GAS6: variants seen among roughly 807,000 people sequenced by gnomAD.
GAS6 encodes the protein growth arrest specific 6, also known as growth arrest-specific protein 6.
In GAS6, 41 loss-of-function variants were observed where a neutral mutation model predicts 75.8. That is an observed-to-expected ratio of 0.54 (90% CI 0.42 to 0.70). The LOEUF (loss-of-function observed/expected upper bound fraction) is 0.70. GAS6 is among the 30% of genes least tolerant of loss of function. GAS6 has a pLI of 0.00. For synonymous variants in GAS6, 432 were observed against 412.6 expected, an observed-to-expected ratio of 1.05 and a Z score of -0.57; for missense variants, 854 against 940.2, an observed-to-expected ratio of 0.91 and a Z score of 1.20.
At position 113,846,579 on chromosome 13, in the gene GAS6, G is replaced by C; in HGVS notation, c.291C>G (p.Asn97Lys). Residue 97 changes from asparagine (N) to lysine (K), a missense_variant, in exon 4 of 15, where the codon AAC becomes AAG. Coordinates refer to ENST00000327773, the MANE Select transcript of GAS6 (RefSeq NM_000820.4). Reference sequence around the variant, plus strand: ...TTTTGGTGTACGGAGACCCATACTTGTTGATGCAGTCTGCAGGAAGAAAGG... The same window carrying C: ...TTTTGGTGTACGGAGACCCATACTTCTTGATGCAGTCTGCAGGAAGAAAGG... ...YFYPRYLDCI[N>K]KYGSPYTKNS... 1.2e-6 allele frequency: 2 copies of C among 1,613,940 alleles called. No individual in the cohort carries two copies. Among genetic ancestry groups the C allele is most frequent in the Non-Finnish European group, 1.7e-6 (2 of 1,179,914 alleles).
intron 6 of GAS6, among the ~76,000 whole-genome samples, chr13:113,836,890 T>G (rs1002754903): frequency 0.11 from 652 of 6,082 alleles, no homozygotes; most frequent in Admixed American, 0.12. Flanking sequence ...GGAGGGGGAG[T>G]GGGGAAAGGA....
At chr13:113,833,047 T>C in intron 8 of GAS6, 1 of 1,291,938 alleles carries the variant, frequency 7.7e-7, no homozygotes, top group Non-Finnish European at 9.9e-7. Flanking sequence ...ATTTCAAGCA[T>C]ACAAAAATTA....
chr13:113,838,836 C>T (rs867091168), intron 5 of GAS6, among the ~76,000 whole-genome samples: 10 of 150,634 alleles, frequency 6.6e-5, no homozygotes, highest in Admixed American at 6.6e-4. Context: ...GAGTGCACAG[C>T]CCAGCCCCCG....
Position 113,825,189 on chromosome 13 carries a change from G to A in GAS6, c.1478-1639C>T, listed in dbSNP as rs572179750. 2.1e-4 allele frequency among the ~76,000 whole-genome samples: 30 copies of A among 141,898 alleles called. No homozygotes were observed. In the South Asian group the frequency reaches 3.8e-3, roughly 18 times the overall value. The allele number at this position is 141,898 out of a possible 152,430, so 93.1% of individuals were successfully genotyped here. A position where few individuals can be genotyped will look rare whatever the true frequency, so the allele number is the denominator to read the frequency against. On this transcript the variant is annotated intron_variant, in intron 12 of 14. Transcript: ENST00000327773. ...GAACCTGGGAGGTGGAGCCAAGATC[G>A]TGCCATTGTACTCCAGTGTGGGCAA... is the stretch of plus-strand genomic sequence containing the variant.
intron 2 of GAS6, among the ~76,000 whole-genome samples, chr13:113,857,957 G>A (rs2051927521): frequency 6.6e-6 from 1 of 152,238 alleles, no homozygotes; most frequent in Non-Finnish European, 1.5e-5. Context: ...ACGGAAGACG[G>A]CCCTCAGAGG....
Position 113,834,662 on chromosome 13 carries a change from C to T in GAS6, c.723G>A (p.Glu241=). Reference sequence around the variant, plus strand: ...CCTGCTCACAGCGGCCCTGCAGACACTCGTCCACATCTGCCAGCCAGAGGG... The same window carrying T: ...CCTGCTCACAGCGGCCCTGCAGACATTCGTCCACATCTGCCAGCCAGAGGG... ...SQEKACRDVD[E]CLQGRCEQVC... Residue 241 remains glutamate, a synonymous_variant, in exon 8 of 15, where the codon GAG becomes GAA. Coordinates refer to ENST00000327773, the MANE Select transcript of GAS6 (RefSeq NM_000820.4). 6.3e-7 allele frequency: 1 copy of T among 1,578,196 alleles called. No individual in the cohort carries two copies. The highest frequency in any genetic ancestry group is 8.6e-7 in the Non-Finnish European group (1 of 1,160,280).
intron 12 of GAS6, among the ~76,000 whole-genome samples, chr13:113,826,756 G>C (rs916580589): frequency 6.6e-6 from 1 of 151,760 alleles, no homozygotes; most frequent in Non-Finnish European, 1.5e-5. Flanking sequence ...GCACCTTCTC[G>C]GCACATCTCT....
In GAS6 at chr13:113,863,519, G is replaced by A; in HGVS notation, c.255+56C>T. 1 of 1,470,336 alleles carries A rather than the reference G, an allele frequency of 6.8e-7. No individual in the cohort carries two copies. Among genetic ancestry groups the A allele is most frequent in the Non-Finnish European group, 9.0e-7 (1 of 1,116,040 alleles). The allele number at this position is 1,470,336 out of a possible 1,614,324, so 91.1% of individuals were successfully genotyped here. ...GCAGCAGCGCTGCCTCTCGGGAGCG[G>A]TTGGAGGCGCGCGGGCGCCAGGGGT... On this transcript the variant is annotated intron_variant, in intron 2 of 14. Coordinates refer to ENST00000327773, the MANE Select transcript of GAS6 (RefSeq NM_000820.4). This position sits in a 1 kb window ranked among gnomAD's most constrained non-coding sequence, Gnocchi z 9.4.
intron 8 of GAS6, 46 bp downstream of exon 8, chr13:113,834,505 C>T (rs975767058): frequency 1.6e-5 from 23 of 1,451,306 alleles, no homozygotes; most frequent in East Asian, 2.6e-5. Flanking sequence ...CCGGCGAGGG[C>T]CCCCGGAACC....
At chr13:113,827,920 G>A (rs1350428145) in intron 11 of GAS6, among the ~76,000 whole-genome samples, 2 of 152,096 alleles carry the variant, frequency 1.3e-5, no homozygotes, top group African/African-American at 2.4e-5. Flanking sequence ...TGAGACTCAC[G>A]GCAGAGTTAC....
chr13:113,842,800 A>G (rs2051799989), intron 4 of GAS6: 1 of 396,896 alleles, frequency 2.5e-6, no homozygotes, highest in Non-Finnish European at 4.4e-6. Flanking sequence ...CCATTTCAGA[A>G]GTGGACACCT....
chr13:113,864,039 G>C lies in GAS6; in HGVS notation c.-119C>G. On this transcript the variant is annotated 5_prime_UTR_variant, in exon 1 of 15. Coordinates refer to ENST00000327773, the MANE Select transcript of GAS6 (RefSeq NM_000820.4). Reference sequence around the variant, plus strand: ...CCCTGAAGGTCACATCGCGGCGGCGGCGGCGGCGGCGGCTGCGGCACCTCA... The same window carrying C: ...CCCTGAAGGTCACATCGCGGCGGCGCCGGCGGCGGCGGCTGCGGCACCTCA... 1 of 972,230 alleles carries C rather than the reference G, an allele frequency of 1.0e-6. No individual in the cohort carries two copies. The allele number at this position is 972,230 out of a possible 1,614,324, so 60.2% of individuals were successfully genotyped here.
At chr13:113,825,874 C>T (rs548086574) in intron 12 of GAS6, among the ~76,000 whole-genome samples, 3 of 152,164 alleles carry the variant, frequency 2.0e-5, no homozygotes, top group African/African-American at 7.2e-5. Flanking sequence ...CTCCCCTTTG[C>T]TCCGCGTGGA....
intron 8 of GAS6, 22 bp downstream of exon 8, chr13:113,834,529 C>G: frequency 6.6e-7 from 1 of 1,523,046 alleles, no homozygotes; most frequent in Non-Finnish European, 8.8e-7. Flanking sequence ...GTGAAGGGCC[C>G]GCGGGGCCAG....
intron 2 of GAS6, among the ~76,000 whole-genome samples, chr13:113,859,913 G>A (rs894254783): frequency 3.3e-5 from 5 of 152,174 alleles, no homozygotes; most frequent in African/African-American, 9.7e-5. Flanking sequence ...CTGGGCCTGT[G>A]TCCCAGCCAA....
chr13:113,834,468 C>T (rs952566815), intron 8 of GAS6, 83 bp downstream of exon 8: 37 of 1,353,724 alleles, frequency 2.7e-5, no homozygotes, highest in Non-Finnish European at 3.4e-5. Context: ...CAGGTCTTCA[C>T]GGAAGTGTTT....
At chr13:113,834,702 CGG>C in intron 7 of GAS6, 30 bp from the exon 8 acceptor site, 1 of 1,501,748 alleles carries the variant, frequency 6.7e-7, no homozygotes, top group African/African-American at 1.4e-5. Flanking sequence ...GGCGGTGAGC[CGG>C]GGAGGCCTCT....
chr13:113,833,569 C>T (rs1179287446), intron 8 of GAS6: 42 of 1,017,628 alleles, frequency 4.1e-5, no homozygotes, highest in African/African-American at 1.2e-4. Context: ...GCATTCCTAC[C>T]GGTGTGACAG....
chr13:113,841,549 G>GGTTTCCTCCATACACCCCACA (rs1230550153), intron 4 of GAS6: 5 of 54,326 alleles, frequency 9.2e-5, no homozygotes, highest in Non-Finnish European at 1.6e-4. Flanking sequence ...CATACGCCCC[G>GGTTTCCTCCATACACCCCACA]GTTTCCTCCA....
Sources: allele counts gnomAD v4.1 joint callset (sites outside exome capture counted in the v4.1 genomes callset), GRCh38; gene constraint gnomAD v4.1.1; non-coding constraint Gnocchi (gnomAD v3.1); transcripts MANE v1.5; gene names NCBI Gene and HGNC (gene_info 2026-07-23, HGNC 2026-07-21).